Variants in ACSM2B observed in about 807,000 individuals in gnomAD.
The protein encoded by ACSM2B is acyl-CoA synthetase medium chain family member 2B.
In ACSM2B, 58 loss-of-function variants were observed where a neutral mutation model predicts 78.6. The ratio of observed to expected loss-of-function variants is 0.74; its 90% CI spans 0.60 to 0.92. The LOEUF (loss-of-function observed/expected upper bound fraction) is 0.92, where lower values mean the gene tolerates loss of function less well. Among genes scored for constraint, ACSM2B ranks in the 40% least tolerant of loss-of-function variants. ACSM2B has a pLI of 0.00. For synonymous variants in ACSM2B, 257 were observed against 256.8 expected (o/e 1.00, Z -0.01); for missense variants, 688 against 711.2 (o/e 0.97, Z 0.37).
chr16:20,570,522 C>T (rs1307743103), intron 1 of ACSM2B, among the ~76,000 whole-genome samples: 1 of 151,754 alleles, frequency 6.6e-6, no homozygotes, highest in East Asian at 1.9e-4. Flanking sequence ...CTGCAGTTTT[C>T]TTTTTTTGTT....
intron 1 of ACSM2B, among the ~76,000 whole-genome samples, chr16:20,566,636 A>ATATAC (rs2015859158): frequency 5.6e-5 from 2 of 35,474 alleles, no homozygotes; most frequent in African/African-American, 3.3e-4. Context: ...TATATATAGT[A>ATATAC]TATATATACT....
At chr16:20,543,906 G>A (rs2015067436) in intron 10 of ACSM2B, among the ~76,000 whole-genome samples, 1 of 152,138 alleles carries the variant, frequency 6.6e-6, no homozygotes, top group South Asian at 2.1e-4. Context: ...CTCCATCATT[G>A]GGAATATAGG....
Position 20,540,176 on chromosome 16 carries a change from A to G in ACSM2B, c.1629+478T>C, listed in dbSNP as rs555087620. 9.2e-4 allele frequency among the ~76,000 whole-genome samples: 137 copies of G among 148,208 alleles called. 2 individuals carry two copies. In the South Asian group the frequency reaches 0.018, roughly 19 times the overall value. Reference sequence around the variant, plus strand: ...TTTCAGGCATCAAGATAGTTGCTAGATTGTCTTTCTGGGCTTTCTTGAGCA... The same window carrying G: ...TTTCAGGCATCAAGATAGTTGCTAGGTTGTCTTTCTGGGCTTTCTTGAGCA... On this transcript the variant is annotated intron_variant, in intron 13 of 13. Transcript: ENST00000329697.
intron 1 of ACSM2B, among the ~76,000 whole-genome samples, chr16:20,569,780 G>C (rs1404611486): frequency 6.6e-6 from 1 of 151,372 alleles, no homozygotes; most frequent in Non-Finnish European, 1.5e-5. Context: ...CCTTGAATAG[G>C]TCTTTGGTTA....
intron 5 of ACSM2B, 128 bp downstream of exon 5, chr16:20,553,649 T>C: frequency 7.0e-7 from 1 of 1,435,892 alleles, no homozygotes; most frequent in Non-Finnish European, 9.3e-7. Context: ...CCTCTTTAGC[T>C]TTCCTTCTGA....
intron 6 of ACSM2B, 144 bp from the exon 7 acceptor site, chr16:20,548,617 A>G: frequency 6.5e-7 from 1 of 1,543,996 alleles, no homozygotes; most frequent in South Asian, 1.2e-5. Context: ...GATTCAAGTT[A>G]AATGAGCCCC....
chr16:20,560,023 C>A (rs2015604698), intron 2 of ACSM2B, among the ~76,000 whole-genome samples: 1 of 150,822 alleles, frequency 6.6e-6, no homozygotes, highest in South Asian at 2.1e-4. Flanking sequence ...ATACACATAA[C>A]ATTTCCAGTT....
chr16:20,548,346 C>T (rs1174617415), intron 7 of ACSM2B, 48 bp downstream of exon 7: 5 of 1,611,384 alleles, frequency 3.1e-6, no homozygotes, highest in South Asian at 1.1e-5. Context: ...GTGAGGGAGT[C>T]AGGGGGATGG....
chr16:20,571,135 G>A (rs895712694), intron 1 of ACSM2B, among the ~76,000 whole-genome samples: 3 of 151,608 alleles, frequency 2.0e-5, no homozygotes. Flanking sequence ...GTTCTTGTTT[G>A]TCTAGTTCCT....
intron 1 of ACSM2B, among the ~76,000 whole-genome samples, chr16:20,570,317 A>G (rs763665227): frequency 1.3e-5 from 2 of 151,996 alleles, no homozygotes; most frequent in Non-Finnish European, 2.9e-5. Context: ...TATTGAGATA[A>G]TAATGTGATT....
intron 13 of ACSM2B, 118 bp downstream of exon 13, chr16:20,540,536 T>A: frequency 2.0e-6 from 3 of 1,506,284 alleles, no homozygotes; most frequent in Non-Finnish European, 2.7e-6. Context: ...AGCCACCATG[T>A]CCGGCCCAGG....
At chr16:20,554,327 G>T (rs778400303) in intron 4 of ACSM2B, 10 of 363,214 alleles carry the variant, frequency 2.8e-5, no homozygotes, top group Non-Finnish European at 4.2e-5. Flanking sequence ...GACAGGAGGG[G>T]TGGAATTAAT....
intron 1 of ACSM2B, among the ~76,000 whole-genome samples, chr16:20,565,381 A>G (rs2015795164): frequency 6.6e-6 from 1 of 152,156 alleles, no homozygotes; most frequent in African/African-American, 2.4e-5. Context: ...TGAGACTTGC[A>G]TAACCCAGAT....
intron 13 of ACSM2B, 128 bp downstream of exon 13, chr16:20,540,526 A>G (rs919672129): frequency 2.0e-5 from 29 of 1,473,730 alleles, no homozygotes; most frequent in Non-Finnish European, 2.6e-5. Context: ...TGCAGGTGTC[A>G]GCCACCATGT....
chr16:20,538,193 T>C (rs894619784), intron 13 of ACSM2B, among the ~76,000 whole-genome samples: 25 of 152,198 alleles, frequency 1.6e-4, no homozygotes, highest in Non-Finnish European at 3.5e-4. Flanking sequence ...GAAAGTATCT[T>C]CTTAGTGGCT....
At chr16:20,554,936 G>A (rs1346545067) in intron 4 of ACSM2B, among the ~76,000 whole-genome samples, 1 of 152,178 alleles carries the variant, frequency 6.6e-6, no homozygotes, top group East Asian at 1.9e-4. Flanking sequence ...TGAGTGCGCA[G>A]CCCAGAAGTG....
At position 20,559,403 on chromosome 16, in the gene ACSM2B, C is replaced by G. The variant is rs766364341; in HGVS notation, c.222G>C (p.Gly74=). 5.6e-6 allele frequency: 9 copies of G among 1,613,064 alleles called. No homozygotes were observed. The East Asian group carries it at 8.9e-5, about 16-fold the overall frequency. Residue 74 remains glycine (G), a synonymous_variant, in exon 3 of 14, where the codon GGG becomes GGC. Transcript: ENST00000329697. ...LPSPALWWVN[G]KGKELMWNFR... ...AATTCCACATTAATTCCTTCCCCTT[C>G]CCATTCACCCACCACAGGGCTGGGC...
rs2014845794 is a variant in ACSM2B at position 20,536,391 on chromosome 16, G to A, written c.*867C>T. ...CAGCTATGATCTAAGGTCTGTAGAT[G>A]CCACACACAGGTGAAACAATGTGGT... On this transcript the variant is annotated 3_prime_UTR_variant, in exon 14 of 14. Coordinates refer to ENST00000329697, the MANE Select transcript of ACSM2B (RefSeq NM_001105069.2). The A allele has an allele frequency of 1.3e-5, 2 of 152,286 alleles. No individual in the cohort carries two copies. The highest frequency in any genetic ancestry group is 1.3e-4 in the Admixed American group (2 of 15,288). The allele number at this position is 152,286 out of a possible 1,614,324, so 9.4% of individuals were successfully genotyped here. A position where few individuals can be genotyped will look rare whatever the true frequency, so the allele number is the denominator to read the frequency against.
At chr16:20,566,449 T>C (rs1039563467) in intron 1 of ACSM2B, among the ~76,000 whole-genome samples, 7 of 126,594 alleles carry the variant, frequency 5.5e-5, no homozygotes, top group Non-Finnish European at 8.0e-5. Flanking sequence ...GTATATAACA[T>C]ATTATATAAT....
Sources: gnomAD v4.1 joint callset for allele counts (sites outside exome capture counted in the v4.1 genomes callset) on GRCh38, gnomAD v4.1.1 for gene constraint, MANE v1.5 for transcripts, NCBI Gene and HGNC (gene_info 2026-07-23, HGNC 2026-07-21) for gene names.